The following CGB7 variants were observed in gnomAD, a reference collection of about 807,000 sequenced individuals.
The protein encoded by CGB7 is choriogonadotropin subunit beta 7.
Under a neutral mutation model 7.3 loss-of-function variants are expected in CGB7, and 6 were observed. The ratio of observed to expected loss-of-function variants is 0.82; its 90% CI spans 0.45 to 1.62. The LOEUF (loss-of-function observed/expected upper bound fraction) is 1.62, where lower values mean the gene tolerates loss of function less well. Among genes scored for constraint, CGB7 ranks in the 40% most tolerant of loss-of-function variants. The pLI is 0.01. For missense variants in CGB7, 114 were observed against 236.2 expected, an observed-to-expected ratio of 0.48 and a Z score of 3.39; for synonymous variants, 47 against 100.8, an observed-to-expected ratio of 0.47 and a Z score of 3.20.
chr19:49,056,276 A>T lies in CGB7; in HGVS notation c.-901T>A. 4 of 1,290,828 alleles carry T rather than the reference A, an allele frequency of 3.1e-6. No homozygotes were observed. Among genetic ancestry groups the T allele is most frequent in the Non-Finnish European group, 4.0e-6 (4 of 989,670 alleles). 80.0% of individuals were successfully genotyped at this position (1,290,828 alleles called of 1,614,324 possible). On this transcript the variant is annotated 5_prime_UTR_variant, in exon 3 of 5. Transcript: ENST00000684222. ...GGGGCTGGCCCGGCAGGCTCCCACT[A>T]GCCCCGGCTTACAGCGGCCTGAGCG...
At position 49,055,345 on chromosome 19, in the gene CGB7, G is replaced by C; in HGVS notation, c.15+16C>G. On this transcript the variant is annotated intron_variant, in intron 3 of 4. Transcript: ENST00000684222. The stretch of plus-strand genomic sequence containing the variant: ...TGGAAGGAGGTGGAAGGTGCCCAGG[G>C]GCCCTGCAGTCTTACCTGGAACATC... 1 of 1,612,800 alleles carries C rather than the reference G, an allele frequency of 6.2e-7. No homozygotes were observed. Among genetic ancestry groups the C allele is most frequent in the Non-Finnish European group, 8.5e-7 (1 of 1,179,728 alleles).
Position 49,057,548 on chromosome 19 carries a change from T to C in CGB7, c.-1435A>G. ...AAAATCCCCCTGGTTCTGCCCCCGG[T>C]CTCAAGCCTTCTTGGTGTGGCCACT... On this transcript the variant is annotated 5_prime_UTR_variant, in exon 1 of 5. Transcript: ENST00000684222. 8.4e-7 allele frequency: 1 copy of C among 1,188,112 alleles called. No homozygotes were observed. The allele number at this position is 1,188,112 out of a possible 1,614,324, so 73.6% of individuals were successfully genotyped here. A position where few individuals can be genotyped will look rare whatever the true frequency, so the allele number is the denominator to read the frequency against.
At position 49,055,939 on chromosome 19, in the gene CGB7, C is replaced by T. The variant is rs2040055180; in HGVS notation, c.-564G>A. 1 of 1,100,832 alleles carries T rather than the reference C, an allele frequency of 9.1e-7. No individual in the cohort carries two copies. Among genetic ancestry groups the T allele is most frequent in the Non-Finnish European group, 1.1e-6 (1 of 895,518 alleles). The allele number at this position is 1,100,832 out of a possible 1,614,324, so 68.2% of individuals were successfully genotyped here. ...CCCACCTCTCCCTTAGGAACCTCCG[C>T]CCACCCTACCCTCAAGCCAGGATGC... On this transcript the variant is annotated 5_prime_UTR_variant, in exon 3 of 5. Coordinates refer to ENST00000684222, the MANE Select transcript of CGB7 (RefSeq NM_001385261.1).
chr19:49,055,758 C>T lies in CGB7; in HGVS notation c.-383G>A. ...GTGCTGGACTGAAGCCTCAACCCTC[C>T]TCTACTTGAGCCATTCCTGCACCAC... On this transcript the variant is annotated 5_prime_UTR_variant, in exon 3 of 5. Transcript: ENST00000684222. The T allele has an allele frequency of 1.7e-6, 2 of 1,170,346 alleles. No individual in the cohort carries two copies. The highest frequency in any genetic ancestry group is 2.1e-6 in the Non-Finnish European group (2 of 937,778). 72.5% of individuals were successfully genotyped at this position (1,170,346 alleles called of 1,614,324 possible). A position where few individuals can be genotyped will look rare whatever the true frequency, so the allele number is the denominator to read the frequency against.
intron 2 of CGB7, 31 bp downstream of exon 2, chr19:49,057,090 G>T (rs1442032691): frequency 6.5e-7 from 1 of 1,530,014 alleles, no homozygotes; most frequent in African/African-American, 1.4e-5. Flanking sequence ...GGGCTGTGCA[G>T]GAGGCGGTGC....
At position 49,056,442 on chromosome 19, in the gene CGB7, G is replaced by A. The variant is rs1352856779; in HGVS notation, c.-1067C>T. On this transcript the variant is annotated 5_prime_UTR_variant, in exon 3 of 5. An upstream open reading frame in the 5' UTR gains an earlier in-frame stop. Transcript: ENST00000684222. ...TGCGGCGAGGAGCTGTAGGTTTCCT[G>A]AGCCGGAGACATGGCCCGCCGTGCG... 1 of 1,298,528 alleles carries A rather than the reference G, an allele frequency of 7.7e-7. No homozygotes were observed. The highest frequency in any genetic ancestry group is 5.2e-5 in the East Asian group (1 of 19,208). 80.4% of individuals were successfully genotyped at this position (1,298,528 alleles called of 1,614,324 possible).
rs1354067031 is a variant in CGB7 at position 49,057,642 on chromosome 19, G to A, written c.-1529C>T. Reference sequence around the variant, plus strand: ...CTAACTCCCACCCTACCACGTCTCAGAATATTCTAGTCTCCTCCCCACCCA... The same window carrying A: ...CTAACTCCCACCCTACCACGTCTCAAAATATTCTAGTCTCCTCCCCACCCA... On this transcript the variant is annotated 5_prime_UTR_variant, in exon 1 of 5. Coordinates refer to ENST00000684222, the MANE Select transcript of CGB7 (RefSeq NM_001385261.1). 1 of 1,194,180 alleles carries A rather than the reference G, an allele frequency of 8.4e-7. No homozygotes were observed. The highest frequency in any genetic ancestry group is 1.0e-6 in the Non-Finnish European group (1 of 958,370). The allele number at this position is 1,194,180 out of a possible 1,614,324, so 74.0% of individuals were successfully genotyped here. A position where few individuals can be genotyped will look rare whatever the true frequency, so the allele number is the denominator to read the frequency against.
Position 49,055,444 on chromosome 19 carries a change from A to T in CGB7, c.-69T>A, listed in dbSNP as rs1187072661. On this transcript the variant is annotated 5_prime_UTR_variant, in exon 3 of 5. Transcript: ENST00000684222. ...GGTTTGTGGGGGCGTCAAGGCCACC[A>T]GGAGGTTGTAGGATGCTGGAGTGAG... 1 of 1,606,576 alleles carries T rather than the reference A, an allele frequency of 6.2e-7. No individual in the cohort carries two copies. Among genetic ancestry groups the T allele is most frequent in the Non-Finnish European group, 8.5e-7 (1 of 1,176,062 alleles).
rs534954500 is a variant in CGB7, at chr19:49,055,175, C to T, written c.16-167G>A. On this transcript the variant is annotated intron_variant, in intron 3 of 4. Transcript: ENST00000684222. ...GCCTTTCAGAGCCCACCCCACAGCCCGAGGGACCTGAGATGCCCCAACATT... is the reference window on the plus strand; with the variant it reads ...GCCTTTCAGAGCCCACCCCACAGCCTGAGGGACCTGAGATGCCCCAACATT... The T allele has an allele frequency of 8.3e-5, 82 of 984,700 alleles. 1 individual carries two copies. The Admixed American group carries it at 8.6e-4, about 10-fold the overall frequency. 61.0% of individuals were successfully genotyped at this position (984,700 alleles called of 1,614,324 possible). A position where few individuals can be genotyped will look rare whatever the true frequency, so the allele number is the denominator to read the frequency against.
chr19:49,054,631 G>A (rs1256334411), intron 4 of CGB7, 26 bp from the exon 5 acceptor site: 2 of 1,037,650 alleles, frequency 1.9e-6, no homozygotes, highest in East Asian at 5.3e-5. Flanking sequence ...GTGGGAGAAT[G>A]AGCATGTGCC....
intron 3 of CGB7, 98 bp from the exon 4 acceptor site, chr19:49,055,106 C>T: frequency 6.3e-7 from 1 of 1,593,274 alleles, no homozygotes; most frequent in South Asian, 1.1e-5. Flanking sequence ...GACCCAGAGA[C>T]CCTTCCCGGC....
At chr19:49,055,287 A>G (rs1407482369) in intron 3 of CGB7, 74 bp downstream of exon 3, 1 of 1,608,240 alleles carries the variant, frequency 6.2e-7, no homozygotes, top group Non-Finnish European at 8.5e-7. Context: ...CACAGCTCAC[A>G]CTGGTCTGCC....
chr19:49,057,681 A>G lies in CGB7; in HGVS notation c.-1568T>C. The G allele has an allele frequency of 1.6e-6, 2 of 1,245,950 alleles. No individual in the cohort carries two copies. The highest frequency in any genetic ancestry group is 4.1e-5 in the East Asian group (1 of 24,170). 77.2% of individuals were successfully genotyped at this position (1,245,950 alleles called of 1,614,324 possible). A position where few individuals can be genotyped will look rare whatever the true frequency, so the allele number is the denominator to read the frequency against. On this transcript the variant is annotated 5_prime_UTR_variant, in exon 1 of 5. Coordinates refer to ENST00000684222, the MANE Select transcript of CGB7 (RefSeq NM_001385261.1). ...CCTCCCCACCCACAGCCCGCCGTCT[A>G]GCTCCGCAGCAGCTTAGGAGCCCTG...
rs778888283 is a variant in CGB7 at position 49,054,935 on chromosome 19, C to T, written c.89G>A (p.Arg30His). The T allele has an allele frequency of 9.7e-5, 153 of 1,571,904 alleles. 6 individuals are homozygous for T. Among genetic ancestry groups the T allele is most frequent in the African/African-American group, 6.5e-4 (46 of 71,132 alleles). ...ASREMLRPRC[R>H]PINATLAVEK... The stretch of plus-strand genomic sequence containing the variant: ...CACAGCCAGGGTGGCATTGATGGGG[C>T]GGCACCGTGGCCGAAGCATCTCCCT... The change falls in exon 4 of 5, where the codon CGC becomes CAC. Residue 30 changes from arginine to histidine, a missense_variant. By Grantham distance (29) the Arg-to-His change is conservative (BLOSUM62 0). This residue lies in a region of CGB7 where 58 missense variants were observed against 91.7 expected (regional missense o/e 0.63). Transcript: ENST00000684222.
In CGB7 at chr19:49,055,230, C is replaced by A. The variant is rs569627119; in HGVS notation, c.15+131G>T. On this transcript the variant is annotated intron_variant, in intron 3 of 4. Transcript: ENST00000684222. ...ATCCCCACCCTCAGGAACTGCCCCA[C>A]GTGAAGCTTATTGGGGGTCACGCTC... is the stretch of plus-strand genomic sequence containing the variant. 3.1e-6 allele frequency: 5 copies of A among 1,597,976 alleles called. No individual in the cohort carries two copies. In the Admixed American group the frequency reaches 8.4e-5, roughly 27 times the overall value.
chr19:49,056,480 G>T lies in CGB7; in HGVS notation c.-1105C>A. 1 of 1,301,284 alleles carries T rather than the reference G, an allele frequency of 7.7e-7. No individual in the cohort carries two copies. The highest frequency in any genetic ancestry group is 1.0e-6 in the Non-Finnish European group (1 of 996,576). 80.6% of individuals were successfully genotyped at this position (1,301,284 alleles called of 1,614,324 possible). A position where few individuals can be genotyped will look rare whatever the true frequency, so the allele number is the denominator to read the frequency against. ...GGCCCGCCGTGCGGCGCTCGAGGCG[G>T]CCTGGAAGAGCAGAGACAGGGCTGC... On this transcript the variant is annotated 5_prime_UTR_variant, in exon 3 of 5. Transcript: ENST00000684222.
chr19:49,055,895 C>T lies in CGB7; in HGVS notation c.-520G>A. 2.8e-6 allele frequency: 3 copies of T among 1,079,814 alleles called. No individual in the cohort carries two copies. Among genetic ancestry groups the T allele is most frequent in the Non-Finnish European group, 3.4e-6 (3 of 883,616 alleles). The allele number at this position is 1,079,814 out of a possible 1,614,324, so 66.9% of individuals were successfully genotyped here. On this transcript the variant is annotated 5_prime_UTR_variant, in exon 3 of 5. Coordinates refer to ENST00000684222, the MANE Select transcript of CGB7 (RefSeq NM_001385261.1). ...GCCACTTGACCCAGATGCCCCCCAA[C>T]GAGGGATTCAGCCCGAGCCCCACCT...
In CGB7 at chr19:49,056,608, G is replaced by A; in HGVS notation, c.-1220-13C>T. 1 of 1,269,728 alleles carries A rather than the reference G, an allele frequency of 7.9e-7. No individual in the cohort carries two copies. Among genetic ancestry groups the A allele is most frequent in the Non-Finnish European group, 1.0e-6 (1 of 977,108 alleles). The allele number at this position is 1,269,728 out of a possible 1,614,324, so 78.7% of individuals were successfully genotyped here. On this transcript the variant is annotated splice_polypyrimidine_tract_variant and intron_variant, in intron 2 of 4. Coordinates refer to ENST00000684222, the MANE Select transcript of CGB7 (RefSeq NM_001385261.1). Reference sequence around the variant, plus strand: ...GGACGGCTCCGTCCTGTGGGAGCAGGGCGGGATGGTGAGGATACAGCTGGA... The same window carrying A: ...GGACGGCTCCGTCCTGTGGGAGCAGAGCGGGATGGTGAGGATACAGCTGGA...
chr19:49,056,333 C>T lies in CGB7; in HGVS notation c.-958G>A, dbSNP rs897079023. 27 of 1,294,674 alleles carry T rather than the reference C, an allele frequency of 2.1e-5. No individual in the cohort carries two copies. The African/African-American group carries it at 3.3e-4, about 16-fold the overall frequency. The allele number at this position is 1,294,674 out of a possible 1,614,324, so 80.2% of individuals were successfully genotyped here. A position where few individuals can be genotyped will look rare whatever the true frequency, so the allele number is the denominator to read the frequency against. ...CTCGGTGCTGTAGGCTTTCGGGACGCTGTGTATGCCCGGCAGGGGCTTCCA... is the reference window on the plus strand; with the variant it reads ...CTCGGTGCTGTAGGCTTTCGGGACGTTGTGTATGCCCGGCAGGGGCTTCCA... On this transcript the variant is annotated 5_prime_UTR_variant, in exon 3 of 5. Coordinates refer to ENST00000684222, the MANE Select transcript of CGB7 (RefSeq NM_001385261.1).
Sources: allele counts gnomAD v4.1 joint callset, GRCh38; gene constraint gnomAD v4.1.1; regional missense constraint gnomAD v4.1.1; transcripts MANE v1.5; gene names NCBI Gene and HGNC (gene_info 2026-07-23, HGNC 2026-07-21).